Variants in CSMD3 observed in about 807,000 individuals in gnomAD.
CSMD3 encodes the protein CUB and sushi domain-containing protein 3.
In CSMD3, 177 loss-of-function variants were observed where a neutral mutation model predicts 435.2. The observed-to-expected ratio is 0.41, with a 90% CI of 0.36 to 0.46. CSMD3 has a LOEUF of 0.46. CSMD3 is among the 20% of genes least tolerant of loss of function. The pLI is 0.34. For synonymous variants in CSMD3, 1,656 were observed against 1,520.5 expected (o/e 1.09, Z -2.07); for missense variants, 4,265 against 4,504.6 (o/e 0.95, Z 1.52).
chr8:113,316,587 T>C (rs532536490), intron 1 of CSMD3, among the ~76,000 whole-genome samples: 1 of 151,486 alleles, frequency 6.6e-6, no homozygotes, highest in East Asian at 2.0e-4. Flanking sequence ...TCTTGCTCTG[T>C]TGCCCAGGCT....
chr8:112,425,619 A>T (rs1225418996), intron 32 of CSMD3, among the ~76,000 whole-genome samples: 1 of 152,198 alleles, frequency 6.6e-6, no homozygotes, highest in Non-Finnish European at 1.5e-5. Flanking sequence ...CTCTTGAATT[A>T]ATAGCTACTC....
chr8:112,255,436 G>T lies in CSMD3; in HGVS notation c.9863-9C>A. 1.2e-6 allele frequency: 2 copies of T among 1,613,246 alleles called. No individual in the cohort carries two copies. The highest frequency in any genetic ancestry group is 8.5e-7 in the Non-Finnish European group (1 of 1,179,440). On this transcript the variant is annotated splice_polypyrimidine_tract_variant and intron_variant, in intron 61 of 70. Coordinates refer to ENST00000297405, the MANE Select transcript of CSMD3 (RefSeq NM_198123.2). ...GTCACCACAAAACTTTGCTGGAAAT[G>T]AAAAGAAAGACGCTTATATCAAAGA... is the stretch of plus-strand genomic sequence containing the variant.
intron 5 of CSMD3, among the ~76,000 whole-genome samples, chr8:113,057,776 C>T (rs1031080775): frequency 6.6e-6 from 1 of 151,584 alleles, no homozygotes; most frequent in Non-Finnish European, 1.5e-5. Flanking sequence ...TATCAGATGG[C>T]TTCAAAATAA....
intron 32 of CSMD3, among the ~76,000 whole-genome samples, chr8:112,410,025 T>C (rs1346001179): frequency 3.3e-5 from 5 of 151,960 alleles, no homozygotes; most frequent in African/African-American, 7.2e-5. Flanking sequence ...TATACAAATA[T>C]ATTTTTCAAA....
chr8:112,529,165 GA>G (rs1825281938), intron 27 of CSMD3, among the ~76,000 whole-genome samples: 1 of 152,108 alleles, frequency 6.6e-6, no homozygotes, highest in African/African-American at 2.4e-5. Context: ...ACTTTGCCGG[GA>G]TTGCCTAAAG....
chr8:112,253,263 C>T (rs1158932761), intron 63 of CSMD3, among the ~76,000 whole-genome samples: 3 of 151,928 alleles, frequency 2.0e-5, no homozygotes, highest in South Asian at 2.1e-4. Flanking sequence ...TTGATAAAAC[C>T]TTTTATGGAG....
chr8:113,395,361 A>C (rs1323072503), intron 1 of CSMD3, among the ~76,000 whole-genome samples: 1 of 152,108 alleles, frequency 6.6e-6, no homozygotes. Context: ...TAATCCCAGC[A>C]CTTTGGGAGG....
chr8:112,865,949 G>A (rs949399207), intron 10 of CSMD3, among the ~76,000 whole-genome samples: 2 of 152,060 alleles, frequency 1.3e-5, no homozygotes, highest in Non-Finnish European at 2.9e-5. Flanking sequence ...TCCCCTTTGG[G>A]CTTTGGTAGC....
intron 22 of CSMD3, among the ~76,000 whole-genome samples, chr8:112,601,030 T>C (rs1832307988): frequency 6.6e-6 from 1 of 152,012 alleles, no homozygotes; most frequent in Non-Finnish European, 1.5e-5. Context: ...GCTAATTCAA[T>C]AACAAGGAGG....
In CSMD3 at chr8:112,318,906, C is replaced by A. The variant is rs2130861054; in HGVS notation, c.7291G>T (p.Gly2431Cys). 1 of 1,612,400 alleles carries A rather than the reference C, an allele frequency of 6.2e-7. No homozygotes were observed. The highest frequency in any genetic ancestry group is 8.5e-7 in the Non-Finnish European group (1 of 1,179,324). Reference sequence around the variant, plus strand: ...AATCTGCACGTCAGAATTGCATTACCAACTAAAGTAAATCCTGGAAGACAC... The same window carrying A: ...AATCTGCACGTCAGAATTGCATTACAAACTAAAGTAAATCCTGGAAGACAC... ...YQCLPGFTLV[G>C]NAILTCRLGE... The change falls in exon 47 of 71, where the codon GGT (glycine) becomes TGT (cysteine). Residue 2431 changes from glycine (G) to cysteine (C), a missense_variant. By Grantham distance (159) the Gly-to-Cys change is radical. This residue lies in a region of CSMD3 where 3,255 missense variants were observed against 3,380.2 expected (regional missense o/e 0.96). Transcript: ENST00000297405.
intron 1 of CSMD3, among the ~76,000 whole-genome samples, chr8:113,383,174 G>C (rs893280688): frequency 6.6e-6 from 1 of 152,090 alleles, no homozygotes; most frequent in Non-Finnish European, 1.5e-5. Flanking sequence ...GTCTTAAGGA[G>C]TTCAAGTAGC....
intron 32 of CSMD3, among the ~76,000 whole-genome samples, chr8:112,464,140 A>G (rs1400112099): frequency 6.6e-6 from 1 of 151,406 alleles, no homozygotes; most frequent in Non-Finnish European, 1.5e-5. Context: ...CAGGAGGCTG[A>G]GGCAGAAGAA....
At chr8:112,488,294 C>A (rs1276303312) in intron 31 of CSMD3, among the ~76,000 whole-genome samples, 2 of 152,054 alleles carry the variant, frequency 1.3e-5, no homozygotes, top group Admixed American at 6.6e-5. Context: ...TTAACAAGAG[C>A]CTATTTATAT....
At chr8:112,787,369 C>T (rs951497328) in intron 13 of CSMD3, among the ~76,000 whole-genome samples, 1 of 152,076 alleles carries the variant, frequency 6.6e-6, no homozygotes, top group Non-Finnish European at 1.5e-5. Flanking sequence ...AACTCTCATA[C>T]ACTGTTGGTG....
chr8:113,007,679 A>G (rs1411656676), intron 6 of CSMD3, among the ~76,000 whole-genome samples: 1 of 151,934 alleles, frequency 6.6e-6, no homozygotes, highest in Non-Finnish European at 1.5e-5. Flanking sequence ...TTTTAATCCT[A>G]GGGAAGGTTT....
At chr8:113,157,477 G>T (rs2091956496) in intron 4 of CSMD3, among the ~76,000 whole-genome samples, 1 of 133,184 alleles carries the variant, frequency 7.5e-6, no homozygotes, top group South Asian at 2.2e-4. Flanking sequence ...AAGGTAAATG[G>T]AATACTTCTG....
At chr8:112,589,333 T>C (rs1830983266) in intron 22 of CSMD3, among the ~76,000 whole-genome samples, 1 of 152,148 alleles carries the variant, frequency 6.6e-6, no homozygotes, top group Non-Finnish European at 1.5e-5. Flanking sequence ...GAATGTGCTA[T>C]TTTCTCCGCA....
chr8:113,209,389 C>T (rs889929830), intron 3 of CSMD3, among the ~76,000 whole-genome samples: 1 of 152,030 alleles, frequency 6.6e-6, no homozygotes, highest in Non-Finnish European at 1.5e-5. Context: ...ATCTAAGGCA[C>T]AAGATATTTC....
At chr8:112,337,149 C>T (rs1563807407) in intron 43 of CSMD3, among the ~76,000 whole-genome samples, 3 of 152,050 alleles carry the variant, frequency 2.0e-5, no homozygotes, top group South Asian at 4.1e-4. Flanking sequence ...ACTATGTGTA[C>T]ATATAAGGCC....
Sources: gnomAD v4.1 joint callset for allele counts (sites outside exome capture counted in the v4.1 genomes callset) on GRCh38, gnomAD v4.1.1 for gene constraint, gnomAD v4.1.1 regional missense constraint, MANE v1.5 for transcripts, NCBI Gene and HGNC (gene_info 2026-07-23, HGNC 2026-07-21) for gene names.